CACNA1C: variants seen among roughly 807,000 people sequenced by gnomAD.
CACNA1C encodes the protein calcium voltage-gated channel subunit alpha1 C.
Under a neutral mutation model 229.0 loss-of-function variants are expected in CACNA1C, and 30 were observed. That is an observed-to-expected ratio of 0.13 (90% CI 0.10 to 0.18). The LOEUF is 0.18. Among genes scored for constraint, CACNA1C ranks in the 10% least tolerant of loss-of-function variants. The pLI, the probability that CACNA1C is intolerant of heterozygous loss-of-function variation, is 1.00. For missense variants in CACNA1C, 1,658 were observed against 2,845.0 expected (o/e 0.58, Z 9.49); for synonymous variants, 1,114 against 1,132.5 (o/e 0.98, Z 0.33).
intron 3 of CACNA1C, among the ~76,000 whole-genome samples, chr12:2,144,420 G>T (rs1422077819): frequency 2.0e-5 from 3 of 151,284 alleles, no homozygotes; most frequent in Non-Finnish European, 4.4e-5. Context: ...ATCATTCTTA[G>T]GGTGGTCTGT....
intron 5 of CACNA1C, among the ~76,000 whole-genome samples, chr12:2,478,396 C>T (rs1482941034): frequency 1.3e-5 from 2 of 152,190 alleles, no homozygotes; most frequent in Admixed American, 6.5e-5. Context: ...GGTGGGGCAG[C>T]AGCTGCAGTG....
In CACNA1C at chr12:2,665,464, A is replaced by T; in HGVS notation, c.4399-117A>T. ...GGTTCTCAGGCTGGTAGGATGGATG[A>T]CTGGTCTTTAGAAATGTTGGCTTCT... On this transcript the variant is annotated intron_variant, in intron 35 of 46. Coordinates refer to ENST00000399655, the MANE Select transcript of CACNA1C (RefSeq NM_000719.7). The surrounding 1 kb of genome is among the most constrained non-coding windows in gnomAD (Gnocchi z 5.9). 1 of 1,080,944 alleles carries T rather than the reference A, an allele frequency of 9.3e-7. No homozygotes were observed. The highest frequency in any genetic ancestry group is 2.0e-5 in the Admixed American group (1 of 51,258). 67.0% of individuals were successfully genotyped at this position (1,080,944 alleles called of 1,614,324 possible).
intron 3 of CACNA1C, among the ~76,000 whole-genome samples, chr12:2,195,886 C>T (rs555704411): frequency 6.6e-6 from 1 of 152,282 alleles, no homozygotes; most frequent in Admixed American, 6.5e-5. Context: ...ATGTCAGCAT[C>T]CCTGGAGATC....
At chr12:2,254,977 C>T (rs961198743) in intron 3 of CACNA1C, among the ~76,000 whole-genome samples, 17 of 152,168 alleles carry the variant, frequency 1.1e-4, no homozygotes, top group African/African-American at 3.4e-4. Flanking sequence ...CTGAAGAGCA[C>T]ATACCCCTGT....
chr12:2,433,700 C>G (rs1596123743), intron 3 of CACNA1C, among the ~76,000 whole-genome samples: 1 of 152,174 alleles, frequency 6.6e-6, no homozygotes, highest in African/African-American at 2.4e-5. Context: ...AACTCCAAGT[C>G]TGGAAGTTCT....
At chr12:2,189,379 G>A (rs1266004903) in intron 3 of CACNA1C, among the ~76,000 whole-genome samples, 1 of 152,178 alleles carries the variant, frequency 6.6e-6, no homozygotes, top group Non-Finnish European at 1.5e-5. Context: ...GAACTGACTC[G>A]GGATAAGAGT....
At chr12:2,201,943 A>C (rs2097587278) in intron 3 of CACNA1C, among the ~76,000 whole-genome samples, 1 of 152,204 alleles carries the variant, frequency 6.6e-6, no homozygotes, top group Non-Finnish European at 1.5e-5. Flanking sequence ...AGGGAGAAGG[A>C]GGGAGTGCTT....
At chr12:2,126,440 TTG>T (rs1200014194) in intron 3 of CACNA1C, among the ~76,000 whole-genome samples, 1 of 152,228 alleles carries the variant, frequency 6.6e-6, no homozygotes, top group African/African-American at 2.4e-5. Context: ...AGCCGACTCA[TTG>T]TGTGTGGAAA....
chr12:2,577,837 G>A (rs1031327311), intron 13 of CACNA1C, among the ~76,000 whole-genome samples: 2 of 152,088 alleles, frequency 1.3e-5, no homozygotes, highest in African/African-American at 4.8e-5. Context: ...TTCTGGCGAG[G>A]GCAAGCAGAC....
chr12:2,071,339 T>A (rs1414153153), intron 1 of CACNA1C, among the ~76,000 whole-genome samples: 1 of 151,220 alleles, frequency 6.6e-6, no homozygotes, highest in Non-Finnish European at 1.5e-5. Flanking sequence ...CACCTCAGCC[T>A]CCTGAGTAGC....
chr12:2,296,301 T>G lies in CACNA1C; in HGVS notation c.478-152675T>G, dbSNP rs770281677. 4.1e-4 allele frequency among the ~76,000 whole-genome samples: 63 copies of G among 152,150 alleles called. 1 individual carries two copies. The highest frequency in any genetic ancestry group is 8.2e-4 in the Non-Finnish European group (56 of 68,034). The stretch of plus-strand genomic sequence containing the variant: ...CCCTAGTGGCAGGGGAACCTAAAAC[T>G]CCAGGCTGCAAACAGTGGCTGGAGC... On this transcript the variant is annotated intron_variant, in intron 3 of 46. Coordinates refer to ENST00000399655, the MANE Select transcript of CACNA1C (RefSeq NM_000719.7).
chr12:1,992,106 TACAATTGATA>T (rs2039567036), intron 1 of CACNA1C: 1 of 326,382 alleles, frequency 3.1e-6, no homozygotes, highest in East Asian at 8.5e-5. Context: ...AGTAATAAAC[TACAATTGATA>T]AAGTGTACCT....
rs577416310 is a variant in CACNA1C, at chr12:2,500,673, A to C, written c.1114-4169A>C. Among the ~76,000 whole-genome samples, 4 of 152,290 alleles carry C rather than the reference A, an allele frequency of 2.6e-5. No individual in the cohort carries two copies. The East Asian group carries it at 7.8e-4, about 30-fold the overall frequency. ...CAGAGAGGAGCAAGGGGAGTTTGCC[A>C]AGAACAGACATCCTCTGCCACTCTT... is the stretch of plus-strand genomic sequence containing the variant. On this transcript the variant is annotated intron_variant, in intron 7 of 46. Coordinates refer to ENST00000399655, the MANE Select transcript of CACNA1C (RefSeq NM_000719.7).
intron 3 of CACNA1C, among the ~76,000 whole-genome samples, chr12:2,417,097 C>A (rs962869795): frequency 6.6e-6 from 1 of 152,200 alleles, no homozygotes; most frequent in Non-Finnish European, 1.5e-5. Flanking sequence ...TGTGGAGCAG[C>A]CAGTCCTCTG....
At position 2,665,866 on chromosome 12, in the gene CACNA1C, G is replaced by C. The variant is rs1489669863; in HGVS notation, c.4526+158G>C. Among the ~76,000 whole-genome samples, 2 of 152,176 alleles carry C rather than the reference G, an allele frequency of 1.3e-5. No individual in the cohort carries two copies. Among genetic ancestry groups the C allele is most frequent in the African/African-American group, 4.8e-5 (2 of 41,446 alleles). On this transcript the variant is annotated intron_variant, in intron 36 of 46. Transcript: ENST00000399655. The surrounding 1 kb of genome is among the most constrained non-coding windows in gnomAD (Gnocchi z 5.9). ...GGTGAAAGGTCAAGGGCCAGCAGGA[G>C]GAGGCCCGGCACCTTCAATTAAGTC...
At chr12:2,514,171 G>A (rs2099791135) in intron 9 of CACNA1C, among the ~76,000 whole-genome samples, 1 of 152,216 alleles carries the variant, frequency 6.6e-6, no homozygotes, top group Admixed American at 6.5e-5. Flanking sequence ...ACTTCACCCT[G>A]AGCAGAGAGG....
chr12:2,200,074 C>T (rs2097539043), intron 3 of CACNA1C, among the ~76,000 whole-genome samples: 1 of 152,182 alleles, frequency 6.6e-6, no homozygotes, highest in African/African-American at 2.4e-5. Context: ...ATCCTTAGCA[C>T]TGAGCAGTGC....
Position 2,647,825 on chromosome 12 carries a change from A to G in CACNA1C, c.3913-650A>G, listed in dbSNP as rs1241234459. On this transcript the variant is annotated intron_variant, in intron 30 of 46. Coordinates refer to ENST00000399655, the MANE Select transcript of CACNA1C (RefSeq NM_000719.7). The surrounding 1 kb of genome is among the most constrained non-coding windows in gnomAD (Gnocchi z 4.2). ...CTCATAGGTTAACAATGGCTAATAA[A>G]AAACAAATTAAAACAGGCTTGGCAC... Among the ~76,000 whole-genome samples the G allele has an allele frequency of 6.6e-6, 1 of 152,194 alleles. No homozygotes were observed. Among genetic ancestry groups the G allele is most frequent in the African/African-American group, 2.4e-5 (1 of 41,440 alleles).
intron 7 of CACNA1C, among the ~76,000 whole-genome samples, chr12:2,499,444 G>A (rs1371610703): frequency 1.3e-5 from 2 of 152,308 alleles, no homozygotes; most frequent in East Asian, 3.9e-4. Context: ...AAGTCTGCTG[G>A]GCTGGGGAGT....
Sources: gnomAD v4.1 joint callset for allele counts (sites outside exome capture counted in the v4.1 genomes callset) on GRCh38, gnomAD v4.1.1 for gene constraint, Gnocchi (gnomAD v3.1) non-coding constraint, MANE v1.5 for transcripts, NCBI Gene and HGNC (gene_info 2026-07-23, HGNC 2026-07-21) for gene names.